Variants in CNTNAP5 observed in about 807,000 individuals in gnomAD.
CNTNAP5 encodes the protein contactin-associated protein-like 5.
In CNTNAP5, 72 loss-of-function variants were observed where a neutral mutation model predicts 150.2. That is an observed-to-expected ratio of 0.48 (90% CI 0.40 to 0.58). The LOEUF (loss-of-function observed/expected upper bound fraction) is 0.58. CNTNAP5 is among the 20% of genes least tolerant of loss of function. CNTNAP5 has a pLI of 0.00. For missense variants in CNTNAP5, 1,636 were observed against 1,626.2 expected, an observed-to-expected ratio of 1.01 and a Z score of -0.10; for synonymous variants, 672 against 619.8, an observed-to-expected ratio of 1.08 and a Z score of -1.25.
At chr2:124,855,997 A>C (rs1677362839) in intron 19 of CNTNAP5, among the ~76,000 whole-genome samples, 1 of 152,060 alleles carries the variant, frequency 6.6e-6, no homozygotes, top group South Asian at 2.1e-4. Context: ...CTTCACTTAG[A>C]ATAAGGGTCT....
chr2:124,499,976 T>G (rs1473779292), intron 7 of CNTNAP5, among the ~76,000 whole-genome samples: 4 of 152,032 alleles, frequency 2.6e-5, no homozygotes, highest in Non-Finnish European at 4.4e-5. Flanking sequence ...TTTGAAGGCC[T>G]GAGTACCAGA....
Position 124,221,767 on chromosome 2 carries a change from C to A in CNTNAP5, c.145C>A (p.Leu49Ile). ...SPMAFSSSSD[L>I]TGTHSPAQLN... is the part of the protein sequence containing the mutation. ...AATGGCTTTTTCCAGTTCCTCAGAC[C>A]TCACTGGCACTCACAGCCCAGCTCA... The change falls in exon 2 of 24, where the codon CTC becomes ATC. Residue 49 changes from leucine (L) to isoleucine (I), a missense_variant. Coordinates refer to ENST00000682447, the MANE Select transcript of CNTNAP5 (RefSeq NM_001367498.1). 11 of 1,611,234 alleles carry A rather than the reference C, an allele frequency of 6.8e-6. No individual in the cohort carries two copies. The highest frequency in any genetic ancestry group is 9.3e-6 in the Non-Finnish European group (11 of 1,178,530).
chr2:124,429,490 A>G (rs938389657), intron 4 of CNTNAP5, among the ~76,000 whole-genome samples: 2 of 152,174 alleles, frequency 1.3e-5, no homozygotes, highest in African/African-American at 4.8e-5. Flanking sequence ...AGTTGGGGAA[A>G]CCTTTAATCC....
chr2:124,785,524 T>C (rs924216400), intron 17 of CNTNAP5, among the ~76,000 whole-genome samples: 1 of 152,308 alleles, frequency 6.6e-6, no homozygotes, highest in Non-Finnish European at 1.5e-5. Flanking sequence ...ACAGGGGTAG[T>C]GTAGGACAAA....
chr2:124,114,928 T>C (rs1364736904), intron 1 of CNTNAP5, among the ~76,000 whole-genome samples: 1 of 151,782 alleles, frequency 6.6e-6, no homozygotes, highest in Non-Finnish European at 1.5e-5. Flanking sequence ...ATTACACTGG[T>C]TAATTTTTAA....
intron 9 of CNTNAP5, among the ~76,000 whole-genome samples, chr2:124,526,471 A>C (rs1336419631): frequency 1.3e-5 from 2 of 152,158 alleles, no homozygotes; most frequent in Non-Finnish European, 2.9e-5. Context: ...CCATGGTTTC[A>C]AGCTTGCATT....
At chr2:124,068,417 GC>G (rs1558744028) in intron 1 of CNTNAP5, among the ~76,000 whole-genome samples, 1 of 152,162 alleles carries the variant, frequency 6.6e-6, no homozygotes. Flanking sequence ...ACCAGGCCTA[GC>G]CAGAGGAGAA....
chr2:124,177,374 G>A (rs1685093301), intron 1 of CNTNAP5, among the ~76,000 whole-genome samples: 1 of 152,022 alleles, frequency 6.6e-6, no homozygotes, highest in Non-Finnish European at 1.5e-5. Context: ...TCCAACAACG[G>A]GCAGACAGCT....
chr2:124,405,000 T>C (rs1377979620), intron 3 of CNTNAP5, among the ~76,000 whole-genome samples: 2 of 144,238 alleles, frequency 1.4e-5, no homozygotes, highest in Admixed American at 7.1e-5. Context: ...AAAAGGTCTA[T>C]GGATAAATTC....
At chr2:124,224,079 A>T (rs1233233763) in intron 2 of CNTNAP5, among the ~76,000 whole-genome samples, 2 of 151,982 alleles carry the variant, frequency 1.3e-5, no homozygotes, top group African/African-American at 4.8e-5. Context: ...GCATTGCCTG[A>T]GCCCATTTTT....
At chr2:124,581,347 G>A (rs1178821871) in intron 11 of CNTNAP5, among the ~76,000 whole-genome samples, 2 of 152,148 alleles carry the variant, frequency 1.3e-5, no homozygotes, top group Non-Finnish European at 2.9e-5. Context: ...CTTTGTAATA[G>A]TCTCTAGTCT....
chr2:124,550,945 T>G (rs147998345), intron 10 of CNTNAP5, among the ~76,000 whole-genome samples: 205 of 152,298 alleles, frequency 1.3e-3, no homozygotes, highest in Non-Finnish European at 1.9e-3. Flanking sequence ...TTAGTATGCA[T>G]GATGCTGATA....
At chr2:124,026,417 G>A (rs925333573) in intron 1 of CNTNAP5, among the ~76,000 whole-genome samples, 1 of 152,178 alleles carries the variant, frequency 6.6e-6, no homozygotes, top group Admixed American at 6.5e-5. Context: ...TGTACACTCT[G>A]TCGTCCAAGC....
At chr2:124,242,645 C>T (rs997808751) in intron 3 of CNTNAP5, among the ~76,000 whole-genome samples, 9 of 151,976 alleles carry the variant, frequency 5.9e-5, no homozygotes, top group Admixed American at 3.3e-4. Context: ...ACTGACTGAG[C>T]CTCACTTTCT....
chr2:124,735,126 G>T (rs945906980), intron 13 of CNTNAP5, among the ~76,000 whole-genome samples: 1 of 152,064 alleles, frequency 6.6e-6, no homozygotes, highest in African/African-American at 2.4e-5. Context: ...CTCTATATAT[G>T]TACCCCCTTT....
At chr2:124,526,247 G>A (rs960686367) in intron 9 of CNTNAP5, among the ~76,000 whole-genome samples, 2 of 152,110 alleles carry the variant, frequency 1.3e-5, no homozygotes, top group Non-Finnish European at 2.9e-5. Flanking sequence ...AATGCCCCAC[G>A]CGTAGACTGT....
intron 1 of CNTNAP5, among the ~76,000 whole-genome samples, chr2:124,111,098 C>G (rs972703157): frequency 6.6e-6 from 1 of 152,092 alleles, no homozygotes; most frequent in Non-Finnish European, 1.5e-5. Flanking sequence ...GGATGGAGCA[C>G]TTAACTAAAC....
intron 7 of CNTNAP5, among the ~76,000 whole-genome samples, chr2:124,481,301 C>T (rs1030390250): frequency 6.6e-6 from 1 of 152,176 alleles, no homozygotes; most frequent in South Asian, 2.1e-4. Context: ...GATGAAATTT[C>T]AATATATGAA....
At chr2:124,177,497 A>G (rs1051689699) in intron 1 of CNTNAP5, among the ~76,000 whole-genome samples, 5 of 152,104 alleles carry the variant, frequency 3.3e-5, no homozygotes, top group African/African-American at 1.2e-4. Flanking sequence ...TGTATCTGAA[A>G]CGTTATATAT....
Sources: gnomAD v4.1 joint callset for allele counts (sites outside exome capture counted in the v4.1 genomes callset) on GRCh38, gnomAD v4.1.1 for gene constraint, MANE v1.5 for transcripts, NCBI Gene and HGNC (gene_info 2026-07-23, HGNC 2026-07-21) for gene names.